GPR89A: variants seen among roughly 807,000 people sequenced by gnomAD.
GPR89A encodes the protein G protein-coupled receptor 89A.
In GPR89A, 16 loss-of-function variants were observed where a neutral mutation model predicts 52.0. The observed-to-expected ratio is 0.31, with a 90% CI of 0.21 to 0.47. GPR89A has a LOEUF of 0.47. Ranked by LOEUF, GPR89A falls within the 20% of genes least tolerant of loss-of-function variation. The pLI, the probability that GPR89A is intolerant of heterozygous loss-of-function variation, is 1.00. For missense variants in GPR89A, 135 were observed against 449.4 expected, an observed-to-expected ratio of 0.30 and a Z score of 6.33; for synonymous variants, 55 against 150.9, an observed-to-expected ratio of 0.36 and a Z score of 4.66.
chr1:145,654,746 G>C (rs1651701388), intron 10 of GPR89A, among the ~76,000 whole-genome samples: 1 of 151,724 alleles, frequency 6.6e-6, no homozygotes, highest in Non-Finnish European at 1.5e-5. Flanking sequence ...TCTTGGGGTT[G>C]ATCTTCTCAT....
intron 7 of GPR89A, among the ~76,000 whole-genome samples, chr1:145,643,136 A>G (rs587721241): frequency 2.0e-5 from 3 of 149,396 alleles, no homozygotes; most frequent in Non-Finnish European, 4.4e-5. Flanking sequence ...TCCTTTAGTT[A>G]GGTATGTTAG....
At chr1:145,648,576 C>A (rs1571521583) in intron 10 of GPR89A, among the ~76,000 whole-genome samples, 1 of 150,042 alleles carries the variant, frequency 6.7e-6, no homozygotes, top group African/African-American at 2.5e-5. Context: ...GCCTCCTGGG[C>A]CCAAGCAATT....
chr1:145,665,971 G>GA (rs1444414521), intron 12 of GPR89A, among the ~76,000 whole-genome samples: 2 of 150,432 alleles, frequency 1.3e-5, no homozygotes, highest in African/African-American at 4.9e-5. Context: ...CCAGCCTGGT[G>GA]AAAGAGCAAC....
At chr1:145,617,326 C>T (rs1401992398) in intron 2 of GPR89A, among the ~76,000 whole-genome samples, 3 of 152,148 alleles carry the variant, frequency 2.0e-5, no homozygotes, top group Admixed American at 6.5e-5. Flanking sequence ...GTTATCTTTC[C>T]GTGTTCCCTG....
chr1:145,635,702 A>G (rs1404824774), intron 7 of GPR89A, among the ~76,000 whole-genome samples: 4 of 152,202 alleles, frequency 2.6e-5, no homozygotes, highest in South Asian at 2.1e-4. Flanking sequence ...TGAAGTCATG[A>G]CCGGGTACTC....
chr1:145,661,552 TC>T (rs1652203602), intron 10 of GPR89A, among the ~76,000 whole-genome samples: 1 of 141,744 alleles, frequency 7.1e-6, no homozygotes, highest in African/African-American at 2.6e-5. Context: ...ACTTGTGACT[TC>T]CCTCTTTTGT....
chr1:145,617,517 T>A (rs1384059175), intron 2 of GPR89A, among the ~76,000 whole-genome samples: 16 of 152,020 alleles, frequency 1.1e-4, no homozygotes, highest in Middle Eastern at 3.2e-3. Flanking sequence ...ATAAGAAATT[T>A]AAAAAGTATT....
In GPR89A at chr1:145,616,260, T is replaced by C. The variant is rs1571465869; in HGVS notation, c.69T>C (p.Leu23=). ...TACTATTTTTTGGATTTGGGTGGCT[T>C]TTCTTCATGCGCCAATTGTTTAAAG... is the stretch of plus-strand genomic sequence containing the variant. ...SQILFFGFGW[L]FFMRQLFKDY... Residue 23 remains leucine (L), a synonymous_variant, in exon 2 of 14, where the codon CTT becomes CTC. Transcript: ENST00000313835. 6.2e-7 allele frequency: 1 copy of C among 1,611,302 alleles called. No homozygotes were observed. Among genetic ancestry groups the C allele is most frequent in the Non-Finnish European group, 8.5e-7 (1 of 1,178,496 alleles).
chr1:145,665,766 G>C (rs1553696347), intron 12 of GPR89A, 115 bp downstream of exon 12: 1 of 550,636 alleles, frequency 1.8e-6, no homozygotes, highest in East Asian at 3.3e-5. Flanking sequence ...AGGCTGAGGT[G>C]GGTGGATCAC....
chr1:145,651,088 A>G (rs1222678148), intron 10 of GPR89A, among the ~76,000 whole-genome samples: 5 of 152,104 alleles, frequency 3.3e-5, no homozygotes, highest in African/African-American at 1.2e-4. Context: ...CCTGAATGGT[A>G]TTGCCTAGAT....
In GPR89A at chr1:145,647,873, CTCTCTCTATA is replaced by C. The variant is rs1651149070; in HGVS notation, c.909+608_909+617del. Among the ~76,000 whole-genome samples, 258 of 80,626 alleles carry C rather than the reference CTCTCTCTATA, an allele frequency of 3.2e-3. 2 individuals carry two copies. The highest frequency in any genetic ancestry group is 0.014 in the East Asian group (41 of 2,900). The allele number at this position is 80,626 out of a possible 152,430, so 52.9% of individuals were successfully genotyped here. A position where few individuals can be genotyped will look rare whatever the true frequency, so the allele number is the denominator to read the frequency against. On this transcript the variant is annotated intron_variant, in intron 10 of 13. Transcript: ENST00000313835. ...CTCCTCTCTCTCTCTCTCTCTCTCT[CTCTCTCTATA>C]TATATATATATATATATATATATAT...
At chr1:145,609,626 A>G (rs1648109534) in intron 1 of GPR89A, among the ~76,000 whole-genome samples, 1 of 152,242 alleles carries the variant, frequency 6.6e-6, no homozygotes, top group African/African-American at 2.4e-5. Context: ...TAGAATAAAG[A>G]TAAGAATGTC....
At chr1:145,659,563 G>A (rs1240822175) in intron 10 of GPR89A, among the ~76,000 whole-genome samples, 25 of 144,294 alleles carry the variant, frequency 1.7e-4, no homozygotes, top group East Asian at 1.2e-3. Flanking sequence ...CAGGGGATGC[G>A]TGCTCCAATT....
rs1356828564 is a variant in GPR89A at position 145,666,552 on chromosome 1, A to AT, written c.1095+913dup. Among the ~76,000 whole-genome samples the AT allele has an allele frequency of 5.1e-3, 757 of 147,158 alleles. 7 individuals are homozygous for AT. Among genetic ancestry groups the AT allele is most frequent in the African/African-American group, 0.017 (694 of 40,506 alleles). On this transcript the variant is annotated intron_variant, in intron 12 of 13. Transcript: ENST00000313835. ...AAGTAAGGACCTACTGAATTCAACT[A>AT]TTTTTTTTTTTTAAATTATACTTTA...
At position 145,663,029 on chromosome 1, in the gene GPR89A, C is replaced by T. The variant is rs587708230; in HGVS notation, c.910-300C>T. ...GGATTTCTTGATTCTCTTAATCTGA[C>T]TTCATCTACCAGAATGTTACCTTTC... is the stretch of plus-strand genomic sequence containing the variant. On this transcript the variant is annotated intron_variant, in intron 10 of 13. Coordinates refer to ENST00000313835, the MANE Select transcript of GPR89A (RefSeq NM_001097612.2). 3.3e-5 allele frequency among the ~76,000 whole-genome samples: 5 copies of T among 152,306 alleles called. No individual in the cohort carries two copies. In the South Asian group the frequency reaches 1.0e-3, roughly 32 times the overall value.
At chr1:145,609,183 G>A (rs72993576) in intron 1 of GPR89A, among the ~76,000 whole-genome samples, 2,197 of 152,202 alleles carry the variant, frequency 0.014, 47 homozygotes, top group African/African-American at 0.05. Flanking sequence ...TCTCTCAAAC[G>A]GCAAATAACA....
chr1:145,609,994 T>C (rs1431096593), intron 1 of GPR89A, among the ~76,000 whole-genome samples: 6 of 152,310 alleles, frequency 3.9e-5, no homozygotes, highest in Admixed American at 2.0e-4. Flanking sequence ...TGTTTTATTT[T>C]CTTCTTGGCA....
intron 1 of GPR89A, among the ~76,000 whole-genome samples, chr1:145,614,698 A>G (rs1648537045): frequency 1.3e-5 from 2 of 152,150 alleles, no homozygotes. Context: ...AAGCACTTTG[A>G]TGAGGGAAGT....
intron 12 of GPR89A, among the ~76,000 whole-genome samples, chr1:145,668,380 A>G (rs1180230246): frequency 6.6e-6 from 1 of 152,042 alleles, no homozygotes; most frequent in Non-Finnish European, 1.5e-5. Flanking sequence ...TTTGTCTGTT[A>G]TTGGTCTATA....
Sources: gnomAD v4.1 joint callset for allele counts (sites outside exome capture counted in the v4.1 genomes callset) on GRCh38, gnomAD v4.1.1 for gene constraint, MANE v1.5 for transcripts, NCBI Gene and HGNC (gene_info 2026-07-23, HGNC 2026-07-21) for gene names.